Variants in SAP30BP observed in about 807,000 individuals in gnomAD.
SAP30BP encodes SAP30-binding protein.
Under a neutral mutation model 46.3 loss-of-function variants are expected in SAP30BP, and 31 were observed. That is an observed-to-expected ratio of 0.67 (90% confidence interval 0.50 to 0.90). The LOEUF is 0.90. Among genes scored for constraint, SAP30BP ranks in the 40% least tolerant of loss-of-function variants. SAP30BP has a pLI of 0.00. For missense variants in SAP30BP, 312 were observed against 391.0 expected (o/e 0.80, Z 1.70); for synonymous variants, 169 against 144.2 (o/e 1.17, Z -1.23).
intron 3 of SAP30BP, among the ~76,000 whole-genome samples, chr17:75,686,470 T>C (rs1165035226): frequency 6.6e-6 from 1 of 151,258 alleles, no homozygotes; most frequent in Non-Finnish European, 1.5e-5. Flanking sequence ...GAGCCGAGAT[T>C]GCGCCACTGC....
chr17:75,702,464 C>G lies in SAP30BP; in HGVS notation c.397-16C>G. ...TCTGTCATACACCCCCCCACCCCCT[C>G]TGCTCCTCTTCACAGGACAAGATCC... On this transcript the variant is annotated splice_polypyrimidine_tract_variant and intron_variant, in intron 5 of 10. Transcript: ENST00000584667. 7.7e-7 allele frequency: 1 copy of G among 1,305,240 alleles called. No homozygotes were observed. Among genetic ancestry groups the G allele is most frequent in the Non-Finnish European group, 1.1e-6 (1 of 906,034 alleles). The allele number at this position is 1,305,240 out of a possible 1,614,324, so 80.9% of individuals were successfully genotyped here. A position where few individuals can be genotyped will look rare whatever the true frequency, so the allele number is the denominator to read the frequency against.
chr17:75,689,866 C>T (rs2060216410), intron 3 of SAP30BP, among the ~76,000 whole-genome samples: 2 of 152,176 alleles, frequency 1.3e-5, no homozygotes, highest in African/African-American at 4.8e-5. Context: ...GTGCCTTGAA[C>T]GACTGGCAGT....
In SAP30BP at chr17:75,668,499, G is replaced by T. The variant is rs773095628; in HGVS notation, c.107-17G>T. 3.7e-5 allele frequency: 52 copies of T among 1,411,574 alleles called. No individual in the cohort carries two copies. Among genetic ancestry groups the T allele is most frequent in the Middle Eastern group, 3.6e-4 (2 of 5,542 alleles). The allele number at this position is 1,411,574 out of a possible 1,614,324, so 87.4% of individuals were successfully genotyped here. ...TTTCTTGCTTTTTGTTTGTTTGTTT[G>T]TTTTTTAACCTTTCAGAGGAGAAAG... is the stretch of plus-strand genomic sequence containing the variant. On this transcript the variant is annotated splice_polypyrimidine_tract_variant and intron_variant, in intron 1 of 10. Coordinates refer to ENST00000584667, the MANE Select transcript of SAP30BP (RefSeq NM_013260.8).
intron 3 of SAP30BP, among the ~76,000 whole-genome samples, chr17:75,688,527 C>T (rs1296713640): frequency 1.3e-5 from 2 of 151,872 alleles, no homozygotes; most frequent in Non-Finnish European, 2.9e-5. Flanking sequence ...GAAAACATGA[C>T]GTTTAGATTT....
At position 75,687,917 on chromosome 17, in the gene SAP30BP, GGTGT is replaced by G. The variant is rs68006166; in HGVS notation, c.265-5487_265-5484del. Among the ~76,000 whole-genome samples the G allele has an allele frequency of 1.3e-3, 155 of 120,366 alleles. 1 individual carries two copies. The highest frequency in any genetic ancestry group is 4.3e-3 in the African/African-American group (143 of 32,988). 79.0% of individuals were successfully genotyped at this position (120,366 alleles called of 152,430 possible). A position where few individuals can be genotyped will look rare whatever the true frequency, so the allele number is the denominator to read the frequency against. On this transcript the variant is annotated intron_variant, in intron 3 of 10. Coordinates refer to ENST00000584667, the MANE Select transcript of SAP30BP (RefSeq NM_013260.8). ...CAGAAGACAAACTGACAGTGTTTGG[GGTGT>G]GTGTGTGTGTGTGTGTGTGTGTGTG...
rs1449528557 is a variant in SAP30BP, at chr17:75,680,016, T to C, written c.264+8153T>C. ...TACAGTTCCTGTGGATGAAGCTGTTTCCATTCACTCACTGTCCCTGACACA... is the reference window on the plus strand; with the variant it reads ...TACAGTTCCTGTGGATGAAGCTGTTCCCATTCACTCACTGTCCCTGACACA... On this transcript the variant is annotated intron_variant, in intron 3 of 10. Coordinates refer to ENST00000584667, the MANE Select transcript of SAP30BP (RefSeq NM_013260.8). The C allele has an allele frequency of 2.6e-5, 4 of 152,220 alleles. No individual in the cohort carries two copies. In the East Asian group the frequency reaches 7.7e-4, roughly 29 times the overall value. 9.4% of individuals were successfully genotyped at this position (152,220 alleles called of 1,614,324 possible). A position where few individuals can be genotyped will look rare whatever the true frequency, so the allele number is the denominator to read the frequency against.
At chr17:75,695,148 G>T (rs1385017111) in intron 4 of SAP30BP, among the ~76,000 whole-genome samples, 3 of 152,156 alleles carry the variant, frequency 2.0e-5, no homozygotes, top group East Asian at 1.9e-4. Context: ...TATAAATCAG[G>T]ATCTCCCCAC....
intron 3 of SAP30BP, among the ~76,000 whole-genome samples, chr17:75,673,755 G>C (rs977508837): frequency 6.6e-6 from 1 of 152,288 alleles, no homozygotes; most frequent in East Asian, 1.9e-4. Context: ...ACTAAAGAGC[G>C]GGGTGGGAGG....
intron 3 of SAP30BP, among the ~76,000 whole-genome samples, chr17:75,688,776 CA>C (rs1332317736): frequency 1.3e-5 from 2 of 152,224 alleles, no homozygotes; most frequent in African/African-American, 2.4e-5. Flanking sequence ...TCAGCTTCAT[CA>C]ATGGCTGGAC....
intron 3 of SAP30BP, among the ~76,000 whole-genome samples, chr17:75,680,835 G>A (rs372460737): frequency 6.6e-6 from 1 of 152,190 alleles, no homozygotes; most frequent in African/African-American, 2.4e-5. Context: ...AGGAGTTTGA[G>A]ACCAGCCTGG....
At chr17:75,681,448 G>A (rs2060074759) in intron 3 of SAP30BP, among the ~76,000 whole-genome samples, 2 of 152,186 alleles carry the variant, frequency 1.3e-5, no homozygotes, top group Admixed American at 1.3e-4. Context: ...ATGAGGATTT[G>A]TATTGGGCAG....
chr17:75,691,490 A>T (rs1355430068), intron 3 of SAP30BP: 1 of 456,620 alleles, frequency 2.2e-6, no homozygotes, highest in Admixed American at 2.3e-5. Context: ...AGCCACGGGG[A>T]GGCTCCTGGC....
chr17:75,696,819 A>G (rs1599155993), intron 4 of SAP30BP, among the ~76,000 whole-genome samples: 1 of 118,156 alleles, frequency 8.5e-6, no homozygotes, highest in South Asian at 2.9e-4. Context: ...CCCAGGCTGG[A>G]GGGGCTGGAG....
intron 3 of SAP30BP, among the ~76,000 whole-genome samples, chr17:75,682,129 TTGAG>T (rs1335807117): frequency 3.3e-5 from 5 of 152,080 alleles, no homozygotes; most frequent in Admixed American, 6.6e-5. Flanking sequence ...TGTAGCAAGA[TTGAG>T]TATTTTGCAA....
chr17:75,705,794 A>C (rs895995871), intron 9 of SAP30BP: 79 of 1,018,248 alleles, frequency 7.8e-5, no homozygotes, highest in Non-Finnish European at 7.3e-5. Flanking sequence ...GCCGGGAGGG[A>C]TACAGTACTG....
rs2060522622 is a variant in SAP30BP, at chr17:75,707,934, C to G, written c.*1413C>G. 6.6e-6 allele frequency: 1 copy of G among 152,204 alleles called. No homozygotes were observed. The highest frequency in any genetic ancestry group is 1.5e-5 in the Non-Finnish European group (1 of 68,040). 9.4% of individuals were successfully genotyped at this position (152,204 alleles called of 1,614,324 possible). On this transcript the variant is annotated 3_prime_UTR_variant, in exon 11 of 11. Coordinates refer to ENST00000584667, the MANE Select transcript of SAP30BP (RefSeq NM_013260.8). ...TTCCACTTAAAACCAGTTGAGTGGT[C>G]TCAAGCCCTTAACCTCTGTAAGCCT...
chr17:75,700,472 A>G (rs1190757058), intron 5 of SAP30BP, among the ~76,000 whole-genome samples: 1 of 152,156 alleles, frequency 6.6e-6, no homozygotes. Flanking sequence ...GTGATGAACA[A>G]TAGAACAGGC....
chr17:75,701,293 C>T (rs2060406745), intron 5 of SAP30BP, among the ~76,000 whole-genome samples: 1 of 152,212 alleles, frequency 6.6e-6, no homozygotes, highest in Admixed American at 6.5e-5. Flanking sequence ...GCAGGTAGAT[C>T]TTGCCCTGGG....
intron 2 of SAP30BP, among the ~76,000 whole-genome samples, chr17:75,669,523 G>A (rs188747822): frequency 2.0e-5 from 3 of 151,944 alleles, no homozygotes; most frequent in Admixed American, 1.3e-4. Context: ...GATTACAGGC[G>A]TGAGCCACTG....
Sources: gnomAD v4.1 joint callset for allele counts (sites outside exome capture counted in the v4.1 genomes callset) on GRCh38, gnomAD v4.1.1 for gene constraint, MANE v1.5 for transcripts, NCBI Gene and HGNC (gene_info 2026-07-23, HGNC 2026-07-21) for gene names.